The following PLA2G4B variants were observed in gnomAD, a reference collection of about 807,000 sequenced individuals.
The protein encoded by PLA2G4B is cytosolic phospholipase A2 beta.
In PLA2G4B, 122 loss-of-function variants were observed where a neutral mutation model predicts 95.8. The observed-to-expected ratio is 1.27, with a 90% CI of 1.10 to 1.48. PLA2G4B has a LOEUF of 1.48. Ranked by LOEUF, PLA2G4B falls within the 40% of genes most tolerant of loss-of-function variation. The pLI, the probability that PLA2G4B is intolerant of heterozygous loss-of-function variation, is 0.00. For synonymous variants in PLA2G4B, 518 were observed against 421.5 expected, an observed-to-expected ratio of 1.23 and a Z score of -2.80; for missense variants, 1,158 against 996.2, an observed-to-expected ratio of 1.16 and a Z score of -2.19.
rs560881771 is a variant in PLA2G4B at position 41,842,688 on chromosome 15, C to T, written c.743+97C>T. On this transcript the variant is annotated intron_variant, in intron 10 of 19. Coordinates refer to ENST00000458483, the MANE Select transcript of PLA2G4B (RefSeq NM_001114633.2). ...AGGAGTGAGGGGGAGAAACAGCCGC[C>T]CCTCATCCTCATGCTCTCTGAAGGG... 1.2e-3 allele frequency: 1,778 copies of T among 1,535,008 alleles called. 3 individuals are homozygous for T. The highest frequency in any genetic ancestry group is 1.4e-3 in the Non-Finnish European group (1,643 of 1,144,198).
chr15:41,847,664 C>T lies in PLA2G4B; in HGVS notation c.2150C>T (p.Pro717Leu), dbSNP rs750198422. 12 of 1,613,532 alleles carry T rather than the reference C, an allele frequency of 7.4e-6. No homozygotes were observed. In the South Asian group the frequency reaches 9.9e-5, roughly 13 times the overall value. The part of the protein sequence containing the change: ...EYSAPGVRRT[P>L]EEAAAGEVNL... ...CTCTCCACAGGGGTCCGGCGGACAC[C>T]CGAGGAGGCGGCAGCTGGGGAGGTG... The change falls in exon 20 of 20, where the codon CCC becomes CTC. Residue 717 changes from proline to leucine, a missense_variant. Physicochemically the swap from Pro to Leu is moderately conservative, Grantham distance 98 (BLOSUM62 -3). Coordinates refer to ENST00000458483, the MANE Select transcript of PLA2G4B (RefSeq NM_001114633.2).
intron 1 of PLA2G4B, 90 bp from the exon 2 acceptor site, chr15:41,840,068 C>A: frequency 1.4e-6 from 2 of 1,443,156 alleles, no homozygotes; most frequent in Non-Finnish European, 1.9e-6. Flanking sequence ...CAGGATTAGG[C>A]CTTGAGGCAC....
At position 41,847,357 on chromosome 15, in the gene PLA2G4B, G is replaced by T; in HGVS notation, c.1968G>T (p.Arg656=). The change falls in exon 19 of 20, where the codon CGG becomes CGT. Residue 656 remains arginine (R), a synonymous_variant. Transcript: ENST00000458483. ...GAFQQLQLLG[R]FCQEQGIPFP... is the part of the protein sequence containing the mutation. ...TGCAGCAGTTGCAGCTCCTGGGCCG[G>T]TTCTGCCAGGAGCAGGGGATCCCGT... 1 of 1,607,120 alleles carries T rather than the reference G, an allele frequency of 6.2e-7. No individual in the cohort carries two copies. The highest frequency in any genetic ancestry group is 8.5e-7 in the Non-Finnish European group (1 of 1,176,738).
intron 12 of PLA2G4B, 95 bp downstream of exon 12, chr15:41,844,702 A>G (rs1001382280): frequency 3.1e-5 from 50 of 1,596,374 alleles, no homozygotes; most frequent in Non-Finnish European, 4.2e-5. Context: ...AAGGGCTGGG[A>G]GAATGAATGT....
intron 1 of PLA2G4B, chr15:41,839,956 G>T: frequency 1.6e-6 from 1 of 619,866 alleles, no homozygotes; most frequent in South Asian, 2.2e-5. Context: ...CCCAGAGCCG[G>T]CGCAGAGCAT....
rs760845858 is a variant in PLA2G4B, at chr15:41,843,783, A to T, written c.851A>T (p.Gln284Leu). ...VVAAALRQAL[Q>L]LDGDLQEDEI... Reference sequence around the variant, plus strand: ...GCCGCGGCCTTGAGGCAGGCCCTGCAGCTGGACGGAGACCTGCAGGAGGAT... The same window carrying T: ...GCCGCGGCCTTGAGGCAGGCCCTGCTGCTGGACGGAGACCTGCAGGAGGAT... The change falls in exon 11 of 20, where the codon CAG becomes CTG. Residue 284 changes from glutamine (Q) to leucine (L), a missense_variant. Physicochemically the swap from Gln to Leu is moderately radical, Grantham distance 113 (BLOSUM62 -2). Transcript: ENST00000458483. The T allele has an allele frequency of 6.2e-7, 1 of 1,613,862 alleles. No homozygotes were observed. The highest frequency in any genetic ancestry group is 1.7e-5 in the Admixed American group (1 of 60,018).
rs1254493534 is a variant in PLA2G4B, at chr15:41,842,579, A to G, written c.731A>G (p.Lys244Arg). Reference protein sequence around the residue: ...SQEPLMRVELKKEAGLRELAV... With the variant: ...SQEPLMRVELRKEAGLRELAV... ...GAGCCCCTGATGAGAGTGGAGCTGA[A>G]AAAAGAAGCAGGGTGAGAGGCCTGG... The change falls in exon 10 of 20, where the codon AAA becomes AGA. Residue 244 changes from lysine (K) to arginine (R), a missense_variant. By Grantham distance (26) the Lys-to-Arg change is conservative. Coordinates refer to ENST00000458483, the MANE Select transcript of PLA2G4B (RefSeq NM_001114633.2). The G allele has an allele frequency of 6.2e-7, 1 of 1,607,306 alleles. No individual in the cohort carries two copies.
In PLA2G4B at chr15:41,848,020, G is replaced by A; in HGVS notation, c.*160G>A. On this transcript the variant is annotated 3_prime_UTR_variant, in exon 20 of 20. Transcript: ENST00000458483. ...GAGCTCCCTTGCGCCTCAGCAGTTT[G>A]CAGTGGGGTAAGGAGGCCAAGCCCA... 9.9e-7 allele frequency: 1 copy of A among 1,014,066 alleles called. No homozygotes were observed. Among genetic ancestry groups the A allele is most frequent in the Non-Finnish European group, 1.4e-6 (1 of 712,010 alleles). 62.8% of individuals were successfully genotyped at this position (1,014,066 alleles called of 1,614,324 possible). A position where few individuals can be genotyped will look rare whatever the true frequency, so the allele number is the denominator to read the frequency against.
At chr15:41,839,251 C>T in intron 1 of PLA2G4B, 1 of 253,214 alleles carries the variant, frequency 3.9e-6, no homozygotes, top group Non-Finnish European at 7.7e-6. Flanking sequence ...ACTCAGTTGC[C>T]TGGAGTGTGA....
chr15:41,841,622 C>A (rs1472486570), intron 7 of PLA2G4B, 51 bp downstream of exon 7: 1 of 1,612,218 alleles, frequency 6.2e-7, no homozygotes, highest in Admixed American at 1.7e-5. Context: ...TCTTGTCTTC[C>A]CCCTTTAAGC....
chr15:41,847,305 T>A, intron 18 of PLA2G4B, 32 bp from the exon 19 acceptor site: 1 of 1,567,284 alleles, frequency 6.4e-7, no homozygotes. Context: ...AGGGGCCCTG[T>A]CCCTCTGAAG....
Position 41,847,777 on chromosome 15 carries a change from T to A in PLA2G4B, c.2263T>A (p.Tyr755Asn). 6.2e-7 allele frequency: 1 copy of A among 1,609,762 alleles called. No homozygotes were observed. The change falls in exon 20 of 20, where the codon TAC becomes AAC. Residue 755 changes from tyrosine (Y) to asparagine (N), a missense_variant. Tyr to Asn is a moderately radical substitution (Grantham distance 143, BLOSUM62 -2). Coordinates refer to ENST00000458483, the MANE Select transcript of PLA2G4B (RefSeq NM_001114633.2). ...GGACAAGCTGCTGCACCTGACACATTACAATGTCTGCAACAACCAGGAGCA... is the reference window on the plus strand; with the variant it reads ...GGACAAGCTGCTGCACCTGACACATAACAATGTCTGCAACAACCAGGAGCA... Reference protein sequence around the residue: ...DVDKLLHLTHYNVCNNQEQLL... With the variant: ...DVDKLLHLTHNNVCNNQEQLL...
At chr15:41,843,325 A>T in intron 10 of PLA2G4B, 1 of 194,894 alleles carries the variant, frequency 5.1e-6, no homozygotes, top group Non-Finnish European at 1.0e-5. Flanking sequence ...TGCCTGCCTC[A>T]GCCTCCCAAA....
chr15:41,838,935 A>G lies in PLA2G4B; in HGVS notation c.9+13A>G. Reference sequence around the variant, plus strand: ...TCTCATGGCTGTGGTAAGGCCTGGCAGGGCCCTGGGTCCCTACTGGGACCC... The same window carrying G: ...TCTCATGGCTGTGGTAAGGCCTGGCGGGGCCCTGGGTCCCTACTGGGACCC... On this transcript the variant is annotated intron_variant, in intron 1 of 19. Coordinates refer to ENST00000458483, the MANE Select transcript of PLA2G4B (RefSeq NM_001114633.2). 2.5e-6 allele frequency: 4 copies of G among 1,588,226 alleles called. No homozygotes were observed. The highest frequency in any genetic ancestry group is 3.4e-6 in the Non-Finnish European group (4 of 1,165,912).
Position 41,848,110 on chromosome 15 carries a change from T to C in PLA2G4B, c.*250T>C, listed in dbSNP as rs945058243. 2.6e-5 allele frequency: 15 copies of C among 586,908 alleles called. No homozygotes were observed. Among genetic ancestry groups the C allele is most frequent in the South Asian group, 2.0e-4 (10 of 49,572 alleles). 36.4% of individuals were successfully genotyped at this position (586,908 alleles called of 1,614,324 possible). On this transcript the variant is annotated 3_prime_UTR_variant, in exon 20 of 20. Transcript: ENST00000458483. ...TTCCCTTCTGCGCTACCTTGAGTAG[T>C]TGGAGCACTTGATACATCACAGACT...
chr15:41,847,259 T>C (rs2065577620), intron 18 of PLA2G4B, 78 bp from the exon 19 acceptor site: 1 of 1,509,832 alleles, frequency 6.6e-7, no homozygotes, highest in Non-Finnish European at 8.8e-7. Flanking sequence ...CCCCAGGTCC[T>C]GTGCATCTTA....
chr15:41,841,912 C>T lies in PLA2G4B; in HGVS notation c.584C>T (p.Pro195Leu), dbSNP rs1277147697. Residue 195 changes from proline to leucine, a missense_variant, in exon 8 of 20, where the codon CCA (proline) becomes CTA (leucine). Pro to Leu is a moderately conservative substitution (Grantham distance 98). Transcript: ENST00000458483. ...VGTGTFRFHC[P>L]ACWEQELSIR... is the part of the protein sequence containing the mutation. ...ACTGGCACCTTCCGCTTCCACTGCC[C>T]AGCCTGCTGGGAGCAGGAGCTGAGT... 5 of 1,613,304 alleles carry T rather than the reference C, an allele frequency of 3.1e-6. No individual in the cohort carries two copies. The highest frequency in any genetic ancestry group is 1.7e-4 in the Middle Eastern group (1 of 6,048).
chr15:41,843,721 GGAGCAGGCCTTCCT>G lies in PLA2G4B; in HGVS notation c.797_810del (p.Ala266GlufsTer23), dbSNP rs1427025938. 6.2e-7 allele frequency: 1 copy of G among 1,614,048 alleles called. No homozygotes were observed. The highest frequency in any genetic ancestry group is 2.2e-5 in the East Asian group (1 of 44,876). On this transcript the variant is annotated frameshift_variant, in exon 11 of 20. Coordinates refer to ENST00000458483, the MANE Select transcript of PLA2G4B (RefSeq NM_001114633.2). LOFTEE classifies it high-confidence loss of function. The stretch of plus-strand genomic sequence containing the variant: ...GACTGGGCTTCGGGCCCTGTGCAGA[GGAGCAGGCCTTCCT>G]GAGCAGGAGGAAGCAGGTGGTGGCC...
chr15:41,842,689 C>G (rs1255006024), intron 10 of PLA2G4B, 98 bp downstream of exon 10: 1 of 1,530,258 alleles, frequency 6.5e-7, no homozygotes, highest in East Asian at 2.3e-5. Context: ...AACAGCCGCC[C>G]CTCATCCTCA....
Sources: gnomAD v4.1 joint callset for allele counts on GRCh38, gnomAD v4.1.1 for gene constraint, MANE v1.5 for transcripts, NCBI Gene and HGNC (gene_info 2026-07-23, HGNC 2026-07-21) for gene names.